The following C15orf40 variants were observed in gnomAD, a reference collection of about 807,000 sequenced individuals.
C15orf40 encodes UPF0235 protein C15orf40.
C15orf40 carries 9 observed loss-of-function variants against 13.9 expected under a neutral mutation model. That is an observed-to-expected ratio of 0.65 (90% CI 0.39 to 1.13). The LOEUF (loss-of-function observed/expected upper bound fraction) is 1.13, where lower values mean the gene tolerates loss of function less well. C15orf40 is among the 50% of genes most tolerant of loss of function. C15orf40 has a pLI of 0.01. For missense variants in C15orf40, 225 were observed against 188.5 expected, an observed-to-expected ratio of 1.19 and a Z score of -1.13; for synonymous variants, 95 against 69.2, an observed-to-expected ratio of 1.37 and a Z score of -1.85.
rs1479937160 is a variant in C15orf40 at position 82,996,211 on chromosome 15, GC to G, written c.*9385del. 1 of 152,180 alleles carries G rather than the reference GC, an allele frequency of 6.6e-6. No individual in the cohort carries two copies. The highest frequency in any genetic ancestry group is 2.4e-5 in the African/African-American group (1 of 41,436). 9.4% of individuals were successfully genotyped at this position (152,180 alleles called of 1,614,324 possible). On this transcript the variant is annotated 3_prime_UTR_variant, in exon 4 of 4. Transcript: ENST00000304177. ...CTCATGGTTTTTTTCCACTGCTCGT[GC>G]CTTTAACTCCCTAAAGAATCTCCAG...
intron 3 of C15orf40, among the ~76,000 whole-genome samples, chr15:83,006,110 A>G (rs1464160055): frequency 6.6e-6 from 1 of 152,036 alleles, no homozygotes; most frequent in Admixed American, 6.6e-5. Context: ...ATGTGCCTGT[A>G]ATCCCAGCTA....
rs577354727 is a variant in C15orf40 at position 82,994,958 on chromosome 15, T to C, written c.*10639A>G. ...TGAATATTGTTAATATTTAGATTAA[T>C]CATTCAGGATTCAGATATATCCAGA... On this transcript the variant is annotated 3_prime_UTR_variant, in exon 4 of 4. Transcript: ENST00000304177. 6.6e-6 allele frequency: 1 copy of C among 152,336 alleles called. No individual in the cohort carries two copies. Among genetic ancestry groups the C allele is most frequent in the South Asian group, 2.1e-4 (1 of 4,834 alleles). 9.4% of individuals were successfully genotyped at this position (152,336 alleles called of 1,614,324 possible).
intron 1 of C15orf40, chr15:83,011,110 G>C (rs1192374205): frequency 5.5e-6 from 1 of 182,074 alleles, no homozygotes; most frequent in African/African-American, 2.4e-5. Context: ...TTGACAGAAG[G>C]GGTGCGATCA....
At chr15:83,007,101 G>A (rs1048404317) in intron 3 of C15orf40, among the ~76,000 whole-genome samples, 1 of 152,146 alleles carries the variant, frequency 6.6e-6, no homozygotes, top group African/African-American at 2.4e-5. Context: ...TCTATTTCAA[G>A]AAGCCTAGAG....
chr15:82,997,878 A>G lies in C15orf40; in HGVS notation c.*7719T>C, dbSNP rs1596401381. 1 of 101,822 alleles carries G rather than the reference A, an allele frequency of 9.8e-6. No individual in the cohort carries two copies. Among genetic ancestry groups the G allele is most frequent in the South Asian group, 3.1e-4 (1 of 3,254 alleles). 6.3% of individuals were successfully genotyped at this position (101,822 alleles called of 1,614,324 possible). The stretch of plus-strand genomic sequence containing the variant: ...TCCCGGACGGGGCGGCTGGCCGGGC[A>G]GAGGGGCTCCTCACTTCCCAGTAGG... On this transcript the variant is annotated 3_prime_UTR_variant, in exon 4 of 4. Coordinates refer to ENST00000304177, the MANE Select transcript of C15orf40 (RefSeq NM_144597.3).
At chr15:82,992,516 A>G (rs772596096), downstream of C15orf40, among the ~76,000 whole-genome samples, 1 of 152,150 alleles carries the variant, frequency 6.6e-6, no homozygotes, top group Non-Finnish European at 1.5e-5. Context: ...AACTCTCTCA[A>G]AGAAAAAAAA....
rs1314787983 is a variant in C15orf40, at chr15:83,005,322, T to C, written c.*275A>G. The C allele has an allele frequency of 6.3e-6, 6 of 955,788 alleles. No homozygotes were observed. The highest frequency in any genetic ancestry group is 7.6e-6 in the Non-Finnish European group (6 of 788,158). The allele number at this position is 955,788 out of a possible 1,614,324, so 59.2% of individuals were successfully genotyped here. ...TCGGGGGGAGAGAGTTTCACTCTTG[T>C]TGCCCAGGCTGGAGTGCAACGGCGC... is the stretch of plus-strand genomic sequence containing the variant. On this transcript the variant is annotated 3_prime_UTR_variant, in exon 4 of 4. Coordinates refer to ENST00000304177, the MANE Select transcript of C15orf40 (RefSeq NM_144597.3).
chr15:82,992,099 C>T (rs2030887412), downstream of C15orf40: 1 of 390,838 alleles, frequency 2.6e-6, no homozygotes, highest in Non-Finnish European at 5.0e-6. Flanking sequence ...GCCTGTAGTC[C>T]TAGCTACTCA....
At chr15:83,005,965 C>T (rs1286866460) in intron 3 of C15orf40, among the ~76,000 whole-genome samples, 1 of 152,170 alleles carries the variant, frequency 6.6e-6, no homozygotes, top group East Asian at 1.9e-4. Flanking sequence ...GGCGCGGTGG[C>T]TCACGCCTGT....
rs1449703711 is a variant in C15orf40, at chr15:83,002,363, G to C, written c.*3234C>G. ...TAAATAGGTTATCGTAGTAGAAACT[G>C]GTGGTTCCTCTCCAGCATCCATTCC... On this transcript the variant is annotated 3_prime_UTR_variant, in exon 4 of 4. Coordinates refer to ENST00000304177, the MANE Select transcript of C15orf40 (RefSeq NM_144597.3). 6.6e-6 allele frequency: 1 copy of C among 152,226 alleles called. No homozygotes were observed. The highest frequency in any genetic ancestry group is 6.5e-5 in the Admixed American group (1 of 15,282). 9.4% of individuals were successfully genotyped at this position (152,226 alleles called of 1,614,324 possible).
Position 83,008,632 on chromosome 15 carries a change from T to C in C15orf40, c.282A>G (p.Pro94=), listed in dbSNP as rs1422380360. Reference sequence around the variant, plus strand: ...GCTCAGCATTAGCCTCTCCCTCTGATGGAGGTGCTGCAATAGCTACATTTA... The same window carrying C: ...GCTCAGCATTAGCCTCTCCCTCTGACGGAGGTGCTGCAATAGCTACATTTA... The part of the protein sequence containing the change: ...EAVNVAIAAP[P]SEGEANAELC... Residue 94 remains proline, a synonymous_variant, in exon 3 of 4, where the codon CCA becomes CCG. Coordinates refer to ENST00000304177, the MANE Select transcript of C15orf40 (RefSeq NM_144597.3). The C allele has an allele frequency of 1.2e-6, 2 of 1,612,980 alleles. No homozygotes were observed. Among genetic ancestry groups the C allele is most frequent in the Admixed American group, 3.3e-5 (2 of 59,794 alleles).
Position 82,995,484 on chromosome 15 carries a change from G to C in C15orf40, c.*10113C>G, listed in dbSNP as rs2151274677. 6.6e-6 allele frequency: 1 copy of C among 152,530 alleles called. No homozygotes were observed. Among genetic ancestry groups the C allele is most frequent in the Non-Finnish European group, 1.5e-5 (1 of 68,198 alleles). The allele number at this position is 152,530 out of a possible 1,614,324, so 9.4% of individuals were successfully genotyped here. On this transcript the variant is annotated 3_prime_UTR_variant, in exon 4 of 4. Coordinates refer to ENST00000304177, the MANE Select transcript of C15orf40 (RefSeq NM_144597.3). The stretch of plus-strand genomic sequence containing the variant: ...AGGAGCAGGTTAACGAAGAAGACAA[G>C]TCTTCAGTCAGAACAGCTGGCCAGG...
At chr15:83,006,698 G>A (rs1049525832) in intron 3 of C15orf40, among the ~76,000 whole-genome samples, 9 of 152,092 alleles carry the variant, frequency 5.9e-5, no homozygotes, top group African/African-American at 1.7e-4. Context: ...GGCGCGGGGC[G>A]GATGTTGCAG....
chr15:82,989,044 C>A (rs1335814748), downstream of C15orf40: 10 of 1,612,158 alleles, frequency 6.2e-6, no homozygotes, highest in Non-Finnish European at 8.5e-6. Context: ...GAAGCTGTTC[C>A]AAAGTTTGAA....
At chr15:83,006,616 T>C (rs2031692652) in intron 3 of C15orf40, 1 of 234,756 alleles carries the variant, frequency 4.3e-6, no homozygotes, top group Admixed American at 6.5e-5. Context: ...GCCAGACGTG[T>C]TGGCGCGCGC....
At chr15:82,992,439 C>T (rs1348849090), downstream of C15orf40, among the ~76,000 whole-genome samples, 1 of 152,026 alleles carries the variant, frequency 6.6e-6, no homozygotes, top group East Asian at 1.9e-4. Context: ...TCACTTGAAC[C>T]TGGGAGGTGG....
At chr15:82,990,863 G>T, downstream of C15orf40, 2 of 483,792 alleles carry the variant, frequency 4.1e-6, no homozygotes, top group Non-Finnish European at 7.4e-6. Flanking sequence ...TTACTTTTTT[G>T]GTATTTAATG....
intron 2 of C15orf40, among the ~76,000 whole-genome samples, chr15:83,009,709 G>A (rs966584291): frequency 3.9e-5 from 6 of 152,152 alleles, no homozygotes; most frequent in African/African-American, 1.2e-4. Flanking sequence ...GGCACCTCCA[G>A]CACTCCAGAG....
intron 3 of C15orf40, 91 bp from the exon 4 acceptor site, chr15:83,005,783 T>TA: frequency 6.9e-7 from 1 of 1,448,654 alleles, no homozygotes. Flanking sequence ...TGGGCTCTCC[T>TA]GATGGCTTTC....
Sources: allele counts gnomAD v4.1 joint callset (sites outside exome capture counted in the v4.1 genomes callset), GRCh38; gene constraint gnomAD v4.1.1; transcripts MANE v1.5; gene names NCBI Gene and HGNC (gene_info 2026-07-23, HGNC 2026-07-21).